Variants in DNAAF11 observed in about 807,000 individuals in gnomAD.
DNAAF11 encodes the protein dynein axonemal assembly factor 11, also known as leucine rich repeat containing 6.
DNAAF11 carries 45 observed loss-of-function variants against 60.8 expected under a neutral mutation model. The ratio of observed to expected loss-of-function variants is 0.74; its 90% CI spans 0.58 to 0.95. The LOEUF (loss-of-function observed/expected upper bound fraction) is 0.95. Among genes scored for constraint, DNAAF11 ranks in the 40% least tolerant of loss-of-function variants. The pLI is 0.00. For synonymous variants in DNAAF11, 191 were observed against 183.5 expected, an observed-to-expected ratio of 1.04 and a Z score of -0.33; for missense variants, 546 against 546.2, an observed-to-expected ratio of 1.00 and a Z score of 0.00.
chr8:132,648,834 C>G (rs1822686926), intron 3 of DNAAF11, among the ~76,000 whole-genome samples: 3 of 152,100 alleles, frequency 2.0e-5, no homozygotes, highest in Non-Finnish European at 4.4e-5. Flanking sequence ...AGGAGAACTA[C>G]AAACCACTGC....
chr8:132,609,444 C>A (rs1219893179), intron 10 of DNAAF11, among the ~76,000 whole-genome samples: 1 of 151,690 alleles, frequency 6.6e-6, no homozygotes, highest in Non-Finnish European at 1.5e-5. Context: ...GGATGCTGAA[C>A]CCATGGAAGG....
At chr8:132,593,603 T>G (rs553079625) in intron 10 of DNAAF11, among the ~76,000 whole-genome samples, 1 of 151,448 alleles carries the variant, frequency 6.6e-6, no homozygotes, top group African/African-American at 2.4e-5. Flanking sequence ...ATACAAATAA[T>G]AGACAAAATG....
At chr8:132,609,719 G>T (rs942393873) in intron 10 of DNAAF11, among the ~76,000 whole-genome samples, 3 of 152,102 alleles carry the variant, frequency 2.0e-5, no homozygotes, top group Non-Finnish European at 4.4e-5. Context: ...GGACAGAATT[G>T]ACACATCAGA....
chr8:132,643,160 C>T (rs1822026919), intron 3 of DNAAF11, among the ~76,000 whole-genome samples: 1 of 152,202 alleles, frequency 6.6e-6, no homozygotes, highest in Non-Finnish European at 1.5e-5. Context: ...TGCTGTCAGC[C>T]GGTTCCTAAC....
intron 10 of DNAAF11, among the ~76,000 whole-genome samples, chr8:132,585,685 A>G (rs1162124647): frequency 6.6e-6 from 1 of 152,240 alleles, no homozygotes; most frequent in East Asian, 1.9e-4. Flanking sequence ...CTACCAAAAC[A>G]ATGTTTACTT....
chr8:132,615,294 T>G (rs1392281660), intron 7 of DNAAF11, among the ~76,000 whole-genome samples, 197 bp from the exon 8 acceptor site: 1 of 152,206 alleles, frequency 6.6e-6, no homozygotes, highest in African/African-American at 2.4e-5. Context: ...TAATAAATTA[T>G]TTGTGTTTAC....
chr8:132,610,253 C>G lies in DNAAF11; in HGVS notation c.1053G>C (p.Gln351His). 6.2e-7 allele frequency: 1 copy of G among 1,610,184 alleles called. No homozygotes were observed. Among genetic ancestry groups the G allele is most frequent in the Non-Finnish European group, 8.5e-7 (1 of 1,176,582 alleles). ...VRVMIKGKPF[Q>H]LVLPAEVKPD... ...GTTTCACTTCTGCAGGAAGGACAAG[C>G]TGAAATGGCTGAAAATAAGTAGAAA... The change falls in exon 10 of 12, where the codon CAG (glutamine) becomes CAC (histidine). Residue 351 changes from glutamine (Q) to histidine (H), a missense_variant. By Grantham distance (24) the Gln-to-His change is conservative. Coordinates refer to ENST00000620350, the MANE Select transcript of DNAAF11 (RefSeq NM_012472.6).
chr8:132,623,089 C>T (rs1179442706), intron 6 of DNAAF11, among the ~76,000 whole-genome samples: 1 of 152,136 alleles, frequency 6.6e-6, no homozygotes, highest in Non-Finnish European at 1.5e-5. Flanking sequence ...CAACATTTAA[C>T]ATACCAAGTA....
chr8:132,589,646 T>C (rs527396451), intron 10 of DNAAF11, among the ~76,000 whole-genome samples: 2 of 152,318 alleles, frequency 1.3e-5, no homozygotes, highest in Admixed American at 6.5e-5. Context: ...CACAATCCTA[T>C]TGGGAAACTG....
intron 3 of DNAAF11, among the ~76,000 whole-genome samples, chr8:132,649,211 C>T (rs1318900917): frequency 3.9e-5 from 6 of 152,098 alleles, no homozygotes; most frequent in African/African-American, 9.7e-5. Context: ...AGAAATAACA[C>T]CACACATCTA....
Position 132,625,297 on chromosome 8 carries a change from GT to G in DNAAF11, c.810del (p.Lys270AsnfsTer9). 6.2e-7 allele frequency: 1 copy of G among 1,605,014 alleles called. No individual in the cohort carries two copies. Among genetic ancestry groups the G allele is most frequent in the Non-Finnish European group, 8.5e-7 (1 of 1,176,544 alleles). On this transcript the variant is annotated frameshift_variant, in exon 6 of 12. Coordinates refer to ENST00000620350, the MANE Select transcript of DNAAF11 (RefSeq NM_012472.6). LOFTEE classifies it high-confidence loss of function. ...SRLETLRHME[K>X]QRKKQEKLSE... is the part of the protein sequence containing the mutation. ...CTTAATTTTTCCTGTTTCTTCCGTT[GT>G]TTTTCCATGTGTCTAAGAGTTTCCA...
At chr8:132,579,330 T>C (rs1000168202) in intron 11 of DNAAF11, among the ~76,000 whole-genome samples, 2 of 152,056 alleles carry the variant, frequency 1.3e-5, no homozygotes, top group African/African-American at 4.8e-5. Flanking sequence ...TTATTACTTA[T>C]AGACAGGCAG....
At chr8:132,576,811 T>C (rs1814796874) in intron 11 of DNAAF11, among the ~76,000 whole-genome samples, 1 of 152,146 alleles carries the variant, frequency 6.6e-6, no homozygotes, top group African/African-American at 2.4e-5. Context: ...TTCACAGTCT[T>C]ATCTGGTGCT....
At chr8:132,608,987 A>G (rs931594827) in intron 10 of DNAAF11, among the ~76,000 whole-genome samples, 1 of 152,208 alleles carries the variant, frequency 6.6e-6, no homozygotes, top group Non-Finnish European at 1.5e-5. Context: ...TGTACTCTTC[A>G]TAGCTGACAT....
intron 1 of DNAAF11, among the ~76,000 whole-genome samples, chr8:132,664,612 C>G (rs1380394429): frequency 1.3e-5 from 2 of 151,976 alleles, no homozygotes; most frequent in Admixed American, 1.3e-4. Context: ...CAGGCATGCG[C>G]CACCACACCC....
At chr8:132,661,772 G>A in intron 1 of DNAAF11, 145 bp from the exon 2 acceptor site, 3 of 769,732 alleles carry the variant, frequency 3.9e-6, no homozygotes, top group Non-Finnish European at 6.7e-6. Flanking sequence ...CAAAGTGAGA[G>A]AGAAAATGGT....
chr8:132,575,251 T>C (rs1046549453), intron 11 of DNAAF11, among the ~76,000 whole-genome samples: 13 of 152,110 alleles, frequency 8.5e-5, no homozygotes, highest in Non-Finnish European at 1.5e-5. Flanking sequence ...GGGATGACAA[T>C]GAACATAAGG....
chr8:132,676,013 G>A (rs1189861894), upstream of DNAAF11, among the ~76,000 whole-genome samples: 1 of 152,148 alleles, frequency 6.6e-6, no homozygotes, highest in East Asian at 1.9e-4. Flanking sequence ...TCACTGTGAA[G>A]CTTTAATTAG....
At chr8:132,668,720 G>A (rs566159435) in intron 1 of DNAAF11, among the ~76,000 whole-genome samples, 2 of 152,196 alleles carry the variant, frequency 1.3e-5, no homozygotes, top group South Asian at 4.1e-4. Context: ...GGAATTACAG[G>A]CTTGAGCCAC....
Sources: gnomAD v4.1 joint callset for allele counts (sites outside exome capture counted in the v4.1 genomes callset) on GRCh38, gnomAD v4.1.1 for gene constraint, MANE v1.5 for transcripts, NCBI Gene and HGNC (gene_info 2026-07-23, HGNC 2026-07-21) for gene names.